The following TRPC7 variants were observed in gnomAD, a reference collection of about 807,000 sequenced individuals.
The protein encoded by TRPC7 is short transient receptor potential channel 7.
TRPC7 carries 42 observed loss-of-function variants against 90.1 expected under a neutral mutation model. The ratio of observed to expected loss-of-function variants is 0.47; its 90% CI spans 0.36 to 0.60. The LOEUF is 0.60. TRPC7 is among the 20% of genes least tolerant of loss of function. The probability of loss-of-function intolerance (pLI) is 0.00; values close to 1 mark genes in which losing one functional copy is unlikely to be tolerated. For missense variants in TRPC7, 955 were observed against 1,112.3 expected (o/e 0.86, Z 2.01); for synonymous variants, 451 against 436.3 (o/e 1.03, Z -0.42).
In TRPC7 at chr5:136,247,761, C is replaced by A. The variant is rs761645238; in HGVS notation, c.1580-26G>T. 6.2e-7 allele frequency: 1 copy of A among 1,601,704 alleles called. No homozygotes were observed. The highest frequency in any genetic ancestry group is 8.5e-7 in the Non-Finnish European group (1 of 1,172,752). On this transcript the variant is annotated intron_variant, in intron 6 of 11. Transcript: ENST00000513104. The surrounding 1 kb of genome is among the most constrained non-coding windows in gnomAD (Gnocchi z 4.2). ...CTAAAAGAAAACAATCTGGGTTACTCACGAGGCCACAGGATCTATTCTAGA... is the reference window on the plus strand; with the variant it reads ...CTAAAAGAAAACAATCTGGGTTACTAACGAGGCCACAGGATCTATTCTAGA...
intron 3 of TRPC7, among the ~76,000 whole-genome samples, chr5:136,313,462 G>C (rs1758909616): frequency 6.6e-6 from 1 of 152,102 alleles, no homozygotes; most frequent in South Asian, 2.1e-4. Context: ...AGTAGGTCTT[G>C]CTGCTAGTTA....
At chr5:136,330,872 T>A (rs528583434) in intron 2 of TRPC7, among the ~76,000 whole-genome samples, 2 of 152,208 alleles carry the variant, frequency 1.3e-5, no homozygotes, top group Non-Finnish European at 2.9e-5. Flanking sequence ...ACACCCTTTT[T>A]GGACTCTCAC....
intron 3 of TRPC7, among the ~76,000 whole-genome samples, chr5:136,279,951 A>C (rs1757491424): frequency 6.6e-6 from 1 of 152,038 alleles, no homozygotes; most frequent in Admixed American, 6.6e-5. Flanking sequence ...TCAGGAATTC[A>C]AGACCAGCCT....
Position 136,304,914 on chromosome 5 carries a change from C to G in TRPC7, c.963+10683G>C, listed in dbSNP as rs925265468. Among the ~76,000 whole-genome samples the G allele has an allele frequency of 2.0e-5, 3 of 152,378 alleles. No individual in the cohort carries two copies. In the South Asian group the frequency reaches 6.2e-4, roughly 32 times the overall value. Reference sequence around the variant, plus strand: ...GTACCCTGTAGCCTTTCTGTCCAAACAACTTGACCTTACTGTTTTAGCCTA... The same window carrying G: ...GTACCCTGTAGCCTTTCTGTCCAAAGAACTTGACCTTACTGTTTTAGCCTA... On this transcript the variant is annotated intron_variant, in intron 3 of 11. Transcript: ENST00000513104.
chr5:136,321,694 A>G (rs916549512), intron 2 of TRPC7, among the ~76,000 whole-genome samples: 21 of 152,154 alleles, frequency 1.4e-4, no homozygotes, highest in African/African-American at 5.1e-4. Context: ...AGACTGGCTC[A>G]TGGGTAGGAG....
At chr5:136,306,656 G>A (rs1047797741) in intron 3 of TRPC7, among the ~76,000 whole-genome samples, 1 of 152,140 alleles carries the variant, frequency 6.6e-6, no homozygotes, top group Admixed American at 6.5e-5. Context: ...ATCCACAAAA[G>A]AGGTAAAAAT....
At chr5:136,270,724 G>A (rs898253551) in intron 4 of TRPC7, among the ~76,000 whole-genome samples, 11 of 152,218 alleles carry the variant, frequency 7.2e-5, no homozygotes, top group African/African-American at 2.2e-4. Flanking sequence ...GGGGAGAAAT[G>A]TTGCAGGGCT....
chr5:136,219,923 G>A lies in TRPC7; in HGVS notation c.2344-3648C>T, dbSNP rs143283536. On this transcript the variant is annotated intron_variant, in intron 10 of 11. Transcript: ENST00000513104. ...AGTTCTGTTTAACATGGATGGCACA[G>A]AGGATATTGTTGCGGGAAGTCAGGG... is the stretch of plus-strand genomic sequence containing the variant. Among the ~76,000 whole-genome samples, 134 of 152,364 alleles carry A rather than the reference G, an allele frequency of 8.8e-4. No homozygotes were observed. In the Middle Eastern group the frequency reaches 0.014, roughly 15 times the overall value.
At chr5:136,219,489 G>A (rs1225691608) in intron 10 of TRPC7, among the ~76,000 whole-genome samples, 3 of 152,214 alleles carry the variant, frequency 2.0e-5, no homozygotes, top group African/African-American at 4.8e-5. Context: ...TGTCCTGCCA[G>A]GCACAGTGGC....
intron 3 of TRPC7, among the ~76,000 whole-genome samples, chr5:136,313,955 A>T (rs1180140957): frequency 6.6e-6 from 1 of 152,222 alleles, no homozygotes; most frequent in African/African-American, 2.4e-5. Context: ...ACATATAGTT[A>T]TCAGGTGGGG....
chr5:136,270,951 G>A (rs1431059470), intron 4 of TRPC7, among the ~76,000 whole-genome samples: 2 of 152,166 alleles, frequency 1.3e-5, no homozygotes, highest in Non-Finnish European at 2.9e-5. Context: ...ATCGAGTGTA[G>A]CTCTCTGGTA....
intron 2 of TRPC7, among the ~76,000 whole-genome samples, chr5:136,327,783 C>T (rs984852403): frequency 6.6e-6 from 1 of 152,190 alleles, no homozygotes; most frequent in African/African-American, 2.4e-5. Flanking sequence ...ACCTTCAGTA[C>T]CCTTTGGCTA....
At chr5:136,245,852 T>C (rs1481806191) in intron 7 of TRPC7, among the ~76,000 whole-genome samples, 1 of 152,208 alleles carries the variant, frequency 6.6e-6, no homozygotes, top group African/African-American at 2.4e-5. Context: ...CTTATTTTCA[T>C]TTTATAGACG....
intron 4 of TRPC7, among the ~76,000 whole-genome samples, chr5:136,267,516 C>T (rs764420118): frequency 2.6e-5 from 4 of 152,086 alleles, no homozygotes; most frequent in Non-Finnish European, 5.9e-5. Flanking sequence ...GAAATGTTAC[C>T]CAGGAGATAG....
chr5:136,280,378 C>T (rs1024522039), intron 3 of TRPC7, among the ~76,000 whole-genome samples: 1 of 152,226 alleles, frequency 6.6e-6, no homozygotes, highest in Admixed American at 6.5e-5. Flanking sequence ...AAGGAACCAA[C>T]TGTCTAGGTA....
chr5:136,312,662 C>T (rs1758871471), intron 3 of TRPC7, among the ~76,000 whole-genome samples: 1 of 152,148 alleles, frequency 6.6e-6, no homozygotes, highest in African/African-American at 2.4e-5. Flanking sequence ...AACAGGTACT[C>T]CCTTGAACCA....
chr5:136,266,167 AATGTCCTACT>A lies in TRPC7; in HGVS notation c.1345+43_1345+52del. 2.7e-6 allele frequency: 4 copies of A among 1,491,846 alleles called. No homozygotes were observed. In the South Asian group the frequency reaches 4.5e-5, roughly 17 times the overall value. 92.4% of individuals were successfully genotyped at this position (1,491,846 alleles called of 1,614,324 possible). A position where few individuals can be genotyped will look rare whatever the true frequency, so the allele number is the denominator to read the frequency against. On this transcript the variant is annotated intron_variant, in intron 5 of 11. Transcript: ENST00000513104. ...AGAAATTCAGAAATCAGAGTTTAAT[AATGTCCTACT>A]ATAATTAGCAAGGAGAGAATAAAAA...
chr5:136,244,487 A>T (rs767333324), intron 7 of TRPC7, among the ~76,000 whole-genome samples: 1 of 152,236 alleles, frequency 6.6e-6, no homozygotes, highest in African/African-American at 2.4e-5. Context: ...TCAAATGCCC[A>T]GTCTACTGTT....
At chr5:136,293,318 G>T (rs1168302176) in intron 3 of TRPC7, among the ~76,000 whole-genome samples, 3 of 152,186 alleles carry the variant, frequency 2.0e-5, no homozygotes, top group South Asian at 2.1e-4. Flanking sequence ...GGAAATAAAG[G>T]GTATTCAATT....
Sources: allele counts gnomAD v4.1 joint callset (sites outside exome capture counted in the v4.1 genomes callset), GRCh38; gene constraint gnomAD v4.1.1; non-coding constraint Gnocchi (gnomAD v3.1); transcripts MANE v1.5; gene names NCBI Gene and HGNC (gene_info 2026-07-23, HGNC 2026-07-21).